SKI: variants seen among roughly 807,000 people sequenced by gnomAD.
SKI encodes the protein SKI proto-oncogene.
SKI carries 23 observed loss-of-function variants against 59.3 expected under a neutral mutation model. The observed-to-expected ratio is 0.39, with a 90% CI of 0.28 to 0.55. The LOEUF is 0.55. Among genes scored for constraint, SKI ranks in the 20% least tolerant of loss-of-function variants. The probability of loss-of-function intolerance (pLI) is 0.67; values close to 1 mark genes in which losing one functional copy is unlikely to be tolerated. For missense variants in SKI, 1,017 were observed against 1,038.9 expected, an observed-to-expected ratio of 0.98 and a Z score of 0.29; for synonymous variants, 673 against 488.6, an observed-to-expected ratio of 1.38 and a Z score of -4.98.
chr1:2,255,887 C>T (rs372852695), intron 1 of SKI, among the ~76,000 whole-genome samples: 2 of 150,698 alleles, frequency 1.3e-5, no homozygotes, highest in African/African-American at 4.9e-5. Context: ...GGAGCTCTCT[C>T]TGTCCTGACC....
chr1:2,304,140 G>A (rs1307737946), intron 4 of SKI, 38 bp downstream of exon 4: 1 of 1,608,628 alleles, frequency 6.2e-7, no homozygotes, highest in Non-Finnish European at 8.5e-7. Context: ...CTCCCTGTGG[G>A]CTGTGGGGGT....
chr1:2,277,815 C>T (rs113170116), intron 1 of SKI, among the ~76,000 whole-genome samples: 3 of 144,008 alleles, frequency 2.1e-5, no homozygotes, highest in African/African-American at 7.9e-5. Context: ...CCTGCACTCA[C>T]GCACACACCT....
chr1:2,252,091 C>T (rs1205734911), intron 1 of SKI, among the ~76,000 whole-genome samples: 3 of 150,466 alleles, frequency 2.0e-5, no homozygotes, highest in African/African-American at 7.3e-5. Flanking sequence ...TCTCTGTGCA[C>T]CCCCCGGTGA....
intron 1 of SKI, among the ~76,000 whole-genome samples, chr1:2,294,662 A>T (rs947224031): frequency 2.6e-5 from 4 of 152,140 alleles, no homozygotes; most frequent in Non-Finnish European, 4.4e-5. Flanking sequence ...GTTGCCAGGG[A>T]TGGCTATGCA....
chr1:2,291,764 A>G (rs1160864093), intron 1 of SKI, among the ~76,000 whole-genome samples: 7 of 152,238 alleles, frequency 4.6e-5, no homozygotes, highest in Non-Finnish European at 1.0e-4. Flanking sequence ...AGGGAGCGCT[A>G]CTAATTGCTA....
Position 2,270,960 on chromosome 1 carries a change from G to A in SKI, c.970-32018G>A, listed in dbSNP as rs886512703. 6.6e-6 allele frequency among the ~76,000 whole-genome samples: 1 copy of A among 152,236 alleles called. No homozygotes were observed. Among genetic ancestry groups the A allele is most frequent in the Non-Finnish European group, 1.5e-5 (1 of 68,030 alleles). ...CAGGCGCTTTCCCTGTGAATGAGCC[G>A]ATGGCCGCAAGTGCCTGGCCTCAGG... On this transcript the variant is annotated intron_variant, in intron 1 of 6. Coordinates refer to ENST00000378536, the MANE Select transcript of SKI (RefSeq NM_003036.4). This position sits in a 1 kb window ranked among gnomAD's most constrained non-coding sequence, Gnocchi z 4.1.
intron 1 of SKI, among the ~76,000 whole-genome samples, chr1:2,242,717 C>T (rs1030405850): frequency 5.3e-5 from 8 of 152,024 alleles, no homozygotes; most frequent in African/African-American, 7.2e-5. Context: ...ATGTGATCTC[C>T]GTTTGTTACC....
At chr1:2,293,127 T>C (rs944524875) in intron 1 of SKI, among the ~76,000 whole-genome samples, 11 of 152,028 alleles carry the variant, frequency 7.2e-5, no homozygotes, top group Non-Finnish European at 4.4e-5. Flanking sequence ...GGAGGCTCAG[T>C]AGGGCTCGGG....
chr1:2,258,228 C>T (rs1056200512), intron 1 of SKI, among the ~76,000 whole-genome samples: 2 of 152,104 alleles, frequency 1.3e-5, no homozygotes, highest in African/African-American at 2.4e-5. Flanking sequence ...TGCATGCACA[C>T]GTGGACACAC....
chr1:2,293,287 G>A (rs1467619280), intron 1 of SKI, among the ~76,000 whole-genome samples: 1 of 152,194 alleles, frequency 6.6e-6, no homozygotes, highest in Non-Finnish European at 1.5e-5. Context: ...GGGATCCACC[G>A]GCGTGGCCCT....
intron 1 of SKI, among the ~76,000 whole-genome samples, chr1:2,263,269 G>C (rs1457224467): frequency 8.0e-6 from 1 of 125,092 alleles, no homozygotes; most frequent in Non-Finnish European, 1.6e-5. Flanking sequence ...ACGGAGTCTT[G>C]CTCTGTCGCC....
intron 1 of SKI, among the ~76,000 whole-genome samples, chr1:2,230,299 C>T (rs2100792221): frequency 6.6e-6 from 1 of 152,306 alleles, no homozygotes; most frequent in East Asian, 1.9e-4. Flanking sequence ...AGTTTTGGGA[C>T]ACAGACACAA....
intron 6 of SKI, 120 bp from the exon 7 acceptor site, chr1:2,306,454 AGGG>A (rs956707020): frequency 3.5e-5 from 38 of 1,093,948 alleles, no homozygotes; most frequent in Admixed American, 1.4e-4. Flanking sequence ...CAGGTGGAGG[AGGG>A]GCCGGCACGC....
In SKI at chr1:2,303,937, G is replaced by A. The variant is rs544709718; in HGVS notation, c.1309G>A (p.Ala437Thr). ...GGTTGTGAGCAGCCCTCCGTGTGCC[G>A]CCGCCGTCTCCCGGGCCCCCGAGCC... is the stretch of plus-strand genomic sequence containing the variant. The part of the protein sequence containing the change: ...QKVVSSPPCA[A>T]AVSRAPEPLA... The change falls in exon 4 of 7, where the codon GCC becomes ACC. Residue 437 changes from alanine (A) to threonine (T), a missense_variant. Transcript: ENST00000378536. This position sits in a 1 kb window ranked among gnomAD's most constrained non-coding sequence, Gnocchi z 5.6. 402 of 1,611,524 alleles carry A rather than the reference G, an allele frequency of 2.5e-4. No individual in the cohort carries two copies. The highest frequency in any genetic ancestry group is 3.2e-4 in the Non-Finnish European group (380 of 1,179,566).
intron 1 of SKI, among the ~76,000 whole-genome samples, chr1:2,250,755 C>T (rs1639128932): frequency 6.6e-6 from 1 of 152,270 alleles, no homozygotes; most frequent in Non-Finnish European, 1.5e-5. Context: ...GCCACGCCCT[C>T]TTCAGTAGTT....
At position 2,229,486 on chromosome 1, in the gene SKI, G is replaced by A. The variant is rs1569660069; in HGVS notation, c.720G>A (p.Pro240=). Residue 240 remains proline, a synonymous_variant, in exon 1 of 7, where the codon CCG becomes CCA. Coordinates refer to ENST00000378536, the MANE Select transcript of SKI (RefSeq NM_003036.4). This position sits in a 1 kb window ranked among gnomAD's most constrained non-coding sequence, Gnocchi z 6.3. ...TGGTGCCCGAGCTCTACAGCAGCCC[G>A]AGCGCCGCCTGCATCCAGTGCCTGG... ...GLLVPELYSS[P]SAACIQCLDC... 3.7e-6 allele frequency: 6 copies of A among 1,611,632 alleles called. No homozygotes were observed. Among genetic ancestry groups the A allele is most frequent in the Non-Finnish European group, 5.1e-6 (6 of 1,179,844 alleles).
At chr1:2,299,242 C>T (rs892490037) in intron 1 of SKI, among the ~76,000 whole-genome samples, 3 of 101,574 alleles carry the variant, frequency 3.0e-5, no homozygotes, top group African/African-American at 1.6e-4. Flanking sequence ...GTGACTGTCC[C>T]TGCCTCGGGG....
intron 1 of SKI, among the ~76,000 whole-genome samples, chr1:2,238,672 C>T (rs955740023): frequency 5.3e-5 from 8 of 152,220 alleles, no homozygotes; most frequent in South Asian, 2.1e-4. Flanking sequence ...CCACCCTCTG[C>T]GGAGCTGTGG....
At chr1:2,293,341 G>A (rs1159732150) in intron 1 of SKI, among the ~76,000 whole-genome samples, 2 of 152,168 alleles carry the variant, frequency 1.3e-5, no homozygotes, top group Non-Finnish European at 2.9e-5. Flanking sequence ...CGGGCCCTGA[G>A]TGGTGTTGCC....
Sources: gnomAD v4.1 joint callset for allele counts (sites outside exome capture counted in the v4.1 genomes callset) on GRCh38, gnomAD v4.1.1 for gene constraint, Gnocchi (gnomAD v3.1) non-coding constraint, MANE v1.5 for transcripts, NCBI Gene and HGNC (gene_info 2026-07-23, HGNC 2026-07-21) for gene names.